TRMT11: variants seen among roughly 807,000 people sequenced by gnomAD.
TRMT11 encodes tRNA methyltransferase 11.
TRMT11 carries 53 observed loss-of-function variants against 62.8 expected under a neutral mutation model. That is an observed-to-expected ratio of 0.84 (90% CI 0.68 to 1.06). TRMT11 has a LOEUF of 1.06. TRMT11 is among the 50% of genes least tolerant of loss of function. The probability of loss-of-function intolerance (pLI) is 0.00; values close to 1 mark genes in which losing one functional copy is unlikely to be tolerated. For missense variants in TRMT11, 556 were observed against 553.4 expected, an observed-to-expected ratio of 1.00 and a Z score of -0.05; for synonymous variants, 188 against 190.3, an observed-to-expected ratio of 0.99 and a Z score of 0.10.
intron 17 of TRMT11, among the ~76,000 whole-genome samples, chr6:126,109,467 A>ACTGAAGTGATGCTATGTT (rs1777501615): frequency 6.6e-6 from 1 of 152,162 alleles, no homozygotes; most frequent in Non-Finnish European, 1.5e-5. Flanking sequence ...CAGGAATGAC[A>ACTGAAGTGATGCTATGTT]CTGAAGTGAT....
chr6:126,094,092 TAC>T (rs113557278), intron 17 of TRMT11, among the ~76,000 whole-genome samples: 245 of 147,376 alleles, frequency 1.7e-3, no homozygotes, highest in African/African-American at 4.3e-3. Context: ...GAAAATGTGA[TAC>T]ACACACACAC....
chr6:126,075,076 C>G (rs1036984283), intron 17 of TRMT11, among the ~76,000 whole-genome samples: 6 of 152,102 alleles, frequency 3.9e-5, no homozygotes, highest in African/African-American at 1.4e-4. Flanking sequence ...TGTCGAGTTT[C>G]TGCTATTGTG....
At chr6:126,182,224 T>C (rs1198501896) in intron 1 of TRMT11, among the ~76,000 whole-genome samples, 3 of 152,180 alleles carry the variant, frequency 2.0e-5, no homozygotes, top group Non-Finnish European at 4.4e-5. Context: ...TTTTCAGGGT[T>C]GAGGGAAAGA....
At chr6:126,234,603 A>T in the TRMT11 span, among the ~76,000 whole-genome samples, 1 of 152,136 alleles carries the variant, frequency 6.6e-6, no homozygotes, top group African/African-American at 2.4e-5. Context: ...ATTTGTGAGG[A>T]TAATCTGTAC....
intron 17 of TRMT11, among the ~76,000 whole-genome samples, chr6:126,111,661 T>G (rs1777533335): frequency 6.6e-6 from 1 of 152,046 alleles, no homozygotes; most frequent in Non-Finnish European, 1.5e-5. Flanking sequence ...ACACAGGACA[T>G]GTACCATCTG....
At chr6:126,045,794 A>AC (rs1776040037) in intron 16 of TRMT11, among the ~76,000 whole-genome samples, 2 of 152,162 alleles carry the variant, frequency 1.3e-5, no homozygotes, top group African/African-American at 4.8e-5. Context: ...GTGGCAGGGC[A>AC]CATCATGGTT....
chr6:126,038,112 T>TGA (rs951322236), intron 12 of TRMT11, among the ~76,000 whole-genome samples: 5 of 152,072 alleles, frequency 3.3e-5, no homozygotes, highest in African/African-American at 1.2e-4. Flanking sequence ...GTCTGAGCAG[T>TGA]AGTCCTTACT....
the TRMT11 span, among the ~76,000 whole-genome samples, chr6:126,220,620 A>G: frequency 5.9e-5 from 9 of 152,170 alleles, no homozygotes; most frequent in South Asian, 6.2e-4. Flanking sequence ...AGCAGTCTCT[A>G]TTGCTCTTTG....
chr6:126,224,778 G>T, the TRMT11 span, among the ~76,000 whole-genome samples: 1 of 152,236 alleles, frequency 6.6e-6, no homozygotes, highest in Non-Finnish European at 1.5e-5. Flanking sequence ...GGGTGGCAAG[G>T]TTGGTGCACA....
chr6:126,230,475 G>C, the TRMT11 span, among the ~76,000 whole-genome samples: 3 of 152,136 alleles, frequency 2.0e-5, no homozygotes, highest in Non-Finnish European at 4.4e-5. Flanking sequence ...TTGGTATCAA[G>C]TACACCTACC....
At chr6:126,028,157 A>C (rs1317451185) in intron 12 of TRMT11, among the ~76,000 whole-genome samples, 1 of 152,096 alleles carries the variant, frequency 6.6e-6, no homozygotes, top group African/African-American at 2.4e-5. Context: ...TCTTTCTGAA[A>C]TATATTGTGA....
chr6:126,125,546 A>C (rs776624509), intron 21 of TRMT11, among the ~76,000 whole-genome samples: 1 of 152,052 alleles, frequency 6.6e-6, no homozygotes, highest in Non-Finnish European at 1.5e-5. Flanking sequence ...ATGGATATTT[A>C]TCAAGGTTCT....
chr6:126,113,662 A>G (rs1331120244), intron 18 of TRMT11, among the ~76,000 whole-genome samples: 1 of 152,076 alleles, frequency 6.6e-6, no homozygotes, highest in Admixed American at 6.6e-5. Context: ...CTCTGCCCCC[A>G]CAGAACTTAC....
intron 1 of TRMT11, among the ~76,000 whole-genome samples, chr6:126,190,464 A>T (rs1016370147): frequency 6.6e-6 from 1 of 152,132 alleles, no homozygotes; most frequent in African/African-American, 2.4e-5. Flanking sequence ...ACCTTCCACC[A>T]TGACTGTAAG....
At chr6:126,167,202 G>A (rs1056847483) in intron 21 of TRMT11, among the ~76,000 whole-genome samples, 5 of 152,186 alleles carry the variant, frequency 3.3e-5, no homozygotes, top group African/African-American at 1.2e-4. Context: ...CTGCCCAAAT[G>A]GCTGCCCAGT....
At chr6:126,000,854 C>A (rs1562246455) in intron 7 of TRMT11, among the ~76,000 whole-genome samples, 1 of 152,076 alleles carries the variant, frequency 6.6e-6, no homozygotes, top group African/African-American at 2.4e-5. Context: ...CTCTCATTAT[C>A]CTAAGTAACT....
At chr6:126,250,649 C>T in the TRMT11 span, among the ~76,000 whole-genome samples, 1 of 152,136 alleles carries the variant, frequency 6.6e-6, no homozygotes, top group African/African-American at 2.4e-5. Flanking sequence ...CCCCTCAGCC[C>T]ACCCTTTCAG....
At chr6:126,123,538 A>G (rs6569454) in intron 21 of TRMT11, among the ~76,000 whole-genome samples, 35,729 of 151,886 alleles carry the variant, frequency 0.24, 4,548 homozygotes, top group African/African-American at 0.33. Flanking sequence ...TTTTTTTCAG[A>G]CACTGCTAAT....
At chr6:126,263,587 T>C in the TRMT11 span, among the ~76,000 whole-genome samples, 1 of 152,182 alleles carries the variant, frequency 6.6e-6, no homozygotes, top group Non-Finnish European at 1.5e-5. Context: ...AGGGCTAATA[T>C]TGGACAAAAC....
Sources: gnomAD v4.1 joint callset for allele counts (sites outside exome capture counted in the v4.1 genomes callset) on GRCh38, gnomAD v4.1.1 for gene constraint, MANE v1.5 for transcripts, NCBI Gene and HGNC (gene_info 2026-07-23, HGNC 2026-07-21) for gene names.